Variants in DHX32 observed in about 807,000 individuals in gnomAD.
The protein encoded by DHX32 is DEAH-box helicase 32 (putative), also known as putative pre-mRNA-splicing factor ATP-dependent RNA helicase DHX32.
In DHX32, 51 loss-of-function variants were observed where a neutral mutation model predicts 70.0. The observed-to-expected ratio is 0.73, with a 90% CI of 0.58 to 0.92. DHX32 has a LOEUF of 0.92. Among genes scored for constraint, DHX32 ranks in the 40% least tolerant of loss-of-function variants. The probability of loss-of-function intolerance (pLI) is 0.00; values close to 1 mark genes in which losing one functional copy is unlikely to be tolerated. For synonymous variants in DHX32, 310 were observed against 315.3 expected, an observed-to-expected ratio of 0.98 and a Z score of 0.18; for missense variants, 762 against 891.8, an observed-to-expected ratio of 0.85 and a Z score of 1.85.
chr10:125,842,849 G>C, intron 6 of DHX32: 1 of 864,104 alleles, frequency 1.2e-6, no homozygotes, highest in Non-Finnish European at 1.4e-6. Flanking sequence ...ATGTAACATC[G>C]ATAATGATGT....
chr10:125,888,182 A>G (rs1301287824), intron 1 of DHX32, among the ~76,000 whole-genome samples: 5 of 150,798 alleles, frequency 3.3e-5, no homozygotes, highest in African/African-American at 1.2e-4. Context: ...TTGTTTCAAC[A>G]TTATCTGTTT....
chr10:125,843,630 TCA>T (rs1854940001), intron 6 of DHX32, among the ~76,000 whole-genome samples: 1 of 151,570 alleles, frequency 6.6e-6, no homozygotes, highest in African/African-American at 2.4e-5. Flanking sequence ...AAAAACCTAC[TCA>T]CAAACTTCGA....
At chr10:125,879,046 C>T (rs2366051) in intron 1 of DHX32, among the ~76,000 whole-genome samples, 1,962 of 79,540 alleles carry the variant, frequency 0.025, 46 homozygotes, top group Admixed American at 0.088. Flanking sequence ...TTTTTTGAGA[C>T]GGGGTCTTGC....
Position 125,841,785 on chromosome 10 carries a change from C to T in DHX32, c.1501G>A (p.Asp501Asn). The T allele has an allele frequency of 6.2e-7, 1 of 1,613,234 alleles. No individual in the cohort carries two copies. The highest frequency in any genetic ancestry group is 2.2e-5 in the East Asian group (1 of 44,868). Residue 501 changes from aspartate to asparagine, a missense_variant, in exon 7 of 11, where the codon GAC (aspartate) becomes AAC (asparagine). Physicochemically the swap from Asp to Asn is conservative, Grantham distance 23 (BLOSUM62 1). Around this residue, in one of 3 missense-constraint regions of DHX32, gnomAD observed 366 missense variants for 402.6 expected, o/e 0.91. Coordinates refer to ENST00000284690, the MANE Select transcript of DHX32 (RefSeq NM_018180.3). ...SKSILASCEF[D>N]CVDEVLTIAA... ...ATTGTTAGCACTTCATCTACACAGT[C>T]AAATTCACAGGACGCTAAGATAGAC...
At chr10:125,838,557 T>G (rs1032933796) in intron 9 of DHX32, among the ~76,000 whole-genome samples, 170 bp from the exon 10 acceptor site, 2 of 152,230 alleles carry the variant, frequency 1.3e-5, no homozygotes, top group African/African-American at 4.8e-5. Context: ...TAAGCATGTT[T>G]TGCCTAAAAC....
chr10:125,852,525 T>C lies in DHX32; in HGVS notation c.1192+18A>G, dbSNP rs1210081529. On this transcript the variant is annotated intron_variant, in intron 5 of 10. Transcript: ENST00000284690. Reference sequence around the variant, plus strand: ...TACAAGAATTGACAACATTTAGTATTTGTGTCCACAGCACTACCTGAAGAA... The same window carrying C: ...TACAAGAATTGACAACATTTAGTATCTGTGTCCACAGCACTACCTGAAGAA... The C allele has an allele frequency of 2.5e-6, 4 of 1,613,224 alleles. No homozygotes were observed. The African/African-American group carries it at 4.0e-5, about 16-fold the overall frequency.
At position 125,836,385 on chromosome 10, in the gene DHX32, G is replaced by C; in HGVS notation, c.*302C>G. The stretch of plus-strand genomic sequence containing the variant: ...TTCAGATTAAGTTCCTCTACAAAAA[G>C]TAGGGTTCTGTCCCATGTGTCTCTG... On this transcript the variant is annotated 3_prime_UTR_variant, in exon 11 of 11. Coordinates refer to ENST00000284690, the MANE Select transcript of DHX32 (RefSeq NM_018180.3). The C allele has an allele frequency of 6.4e-7, 1 of 1,551,450 alleles. No homozygotes were observed. Among genetic ancestry groups the C allele is most frequent in the Non-Finnish European group, 8.7e-7 (1 of 1,151,812 alleles).
At chr10:125,840,245 T>C (rs1295883687) in intron 8 of DHX32, among the ~76,000 whole-genome samples, 1 of 152,222 alleles carries the variant, frequency 6.6e-6, no homozygotes, top group Non-Finnish European at 1.5e-5. Context: ...TCTGAGTACC[T>C]TCCTGTGACA....
intron 7 of DHX32, 96 bp from the exon 8 acceptor site, chr10:125,841,092 G>T: frequency 6.9e-7 from 1 of 1,439,422 alleles, no homozygotes; most frequent in Non-Finnish European, 9.5e-7. Context: ...TTAGTGGCAT[G>T]GCTCCTGTCT....
intron 4 of DHX32, chr10:125,853,052 A>T: frequency 1.8e-6 from 2 of 1,111,906 alleles, no homozygotes; most frequent in Non-Finnish European, 2.6e-6. Flanking sequence ...CCTTTACAAC[A>T]CATACTGAGA....
intron 1 of DHX32, among the ~76,000 whole-genome samples, chr10:125,874,374 A>G (rs975435738): frequency 1.2e-4 from 19 of 152,238 alleles, no homozygotes; most frequent in African/African-American, 2.7e-4. Flanking sequence ...CACTTTGAAG[A>G]TACATGTCGT....
At chr10:125,841,497 GTTTT>G (rs1255681461) in intron 7 of DHX32, 5 of 1,445,028 alleles carry the variant, frequency 3.5e-6, no homozygotes, top group Non-Finnish European at 4.5e-6. Context: ...AATCTAGTAT[GTTTT>G]CATACATCTG....
intron 6 of DHX32, among the ~76,000 whole-genome samples, chr10:125,843,167 G>A (rs1439780534): frequency 6.6e-6 from 1 of 152,118 alleles, no homozygotes; most frequent in Admixed American, 6.6e-5. Context: ...TGAGCCACTA[G>A]GTTGGTTTTG....
chr10:125,840,739 T>A, intron 8 of DHX32, 108 bp downstream of exon 8: 1 of 1,275,184 alleles, frequency 7.8e-7, no homozygotes, highest in East Asian at 2.5e-5. Context: ...TGCATTCAAG[T>A]GGCCAGTAGG....
At chr10:125,882,677 T>A (rs1944324161), upstream of DHX32, among the ~76,000 whole-genome samples, 1 of 152,138 alleles carries the variant, frequency 6.6e-6, no homozygotes, top group Non-Finnish European at 1.5e-5. Flanking sequence ...TGTTTCAAAA[T>A]TAAAATGGAA....
intron 7 of DHX32, chr10:125,841,226 T>C (rs1161444084): frequency 2.5e-6 from 4 of 1,601,780 alleles, no homozygotes; most frequent in Middle Eastern, 1.7e-4. Context: ...CAACTGAATA[T>C]GGTTAATATC....
intron 1 of DHX32, among the ~76,000 whole-genome samples, chr10:125,890,957 T>C (rs540245116): frequency 6.6e-6 from 1 of 152,066 alleles, no homozygotes; most frequent in Non-Finnish European, 1.5e-5. Context: ...TAAAAAAACA[T>C]ATTTTTTAAT....
upstream of DHX32, among the ~76,000 whole-genome samples, chr10:125,884,181 A>T (rs1944331749): frequency 6.6e-6 from 1 of 152,206 alleles, no homozygotes; most frequent in Admixed American, 6.5e-5. Context: ...ACCTAACTAG[A>T]GGAGTTGGGC....
chr10:125,840,345 C>T (rs1854836728), intron 8 of DHX32, among the ~76,000 whole-genome samples: 1 of 152,236 alleles, frequency 6.6e-6, no homozygotes, highest in Non-Finnish European at 1.5e-5. Context: ...ACCCTCTGCT[C>T]TCCTCTATCA....
Sources: gnomAD v4.1 joint callset for allele counts (sites outside exome capture counted in the v4.1 genomes callset) on GRCh38, gnomAD v4.1.1 for gene constraint, gnomAD v4.1.1 regional missense constraint, MANE v1.5 for transcripts, NCBI Gene and HGNC (gene_info 2026-07-23, HGNC 2026-07-21) for gene names.